LCE1C: variants seen among roughly 807,000 people sequenced by gnomAD.
LCE1C encodes the protein late cornified envelope protein 1C.
In LCE1C, 1 loss-of-function variant was observed where a neutral mutation model predicts 0.7. The observed-to-expected ratio is 1.44, with a 90% CI of 0.51 to 6.83. The LOEUF (loss-of-function observed/expected upper bound fraction) is 6.83. LCE1C is among the 30% of genes most tolerant of loss of function. LCE1C has a pLI of 0.14. For missense variants in LCE1C, 136 were observed against 149.6 expected (o/e 0.91, Z 0.48); for synonymous variants, 72 against 57.9 (o/e 1.24, Z -1.10).
intron 1 of LCE1C, among the ~76,000 whole-genome samples, chr1:152,806,167 A>C (rs563835251): frequency 6.6e-6 from 1 of 152,310 alleles, no homozygotes; most frequent in East Asian, 1.9e-4. Flanking sequence ...ACTTTAAGAG[A>C]TTCTCAATTC....
chr1:152,805,155 C>G lies in LCE1C; in HGVS notation c.324G>C (p.Gly108=), dbSNP rs372400123. The G allele has an allele frequency of 8.1e-6, 13 of 1,610,928 alleles. 1 individual carries two copies. The African/African-American group carries it at 1.5e-4, about 18-fold the overall frequency. ...AGCCTCCAGAGTGCTGGCCACTCCC[C>G]CCGCCACAGCAGCTGGAGCCCCCCG... ...QPSGGSSCCG[G]GSGQHSGGCC is the part of the protein sequence containing the mutation. Residue 108 remains glycine (G), a synonymous_variant, in exon 2 of 2, where the codon GGG becomes GGC. Transcript: ENST00000607093.
Position 152,805,007 on chromosome 1 carries a change from A to G in LCE1C, c.*115T>C. On this transcript the variant is annotated 3_prime_UTR_variant, in exon 2 of 2. Transcript: ENST00000607093. Reference sequence around the variant, plus strand: ...CCAGGGAAAAGATATGCTCTTGGCAAGTTCAGAGCTTTCCCTTGGACCTGT... The same window carrying G: ...CCAGGGAAAAGATATGCTCTTGGCAGGTTCAGAGCTTTCCCTTGGACCTGT... 1 of 1,278,274 alleles carries G rather than the reference A, an allele frequency of 7.8e-7. No individual in the cohort carries two copies. Among genetic ancestry groups the G allele is most frequent in the Non-Finnish European group, 1.1e-6 (1 of 919,572 alleles). The allele number at this position is 1,278,274 out of a possible 1,614,324, so 79.2% of individuals were successfully genotyped here.
At chr1:152,805,539 C>T in intron 1 of LCE1C, 41 bp from the exon 2 acceptor site, 5 of 1,367,082 alleles carry the variant, frequency 3.7e-6, no homozygotes, top group Middle Eastern at 1.9e-4. Flanking sequence ...TAGGCAGAGG[C>T]CACCCCTGCC....
rs538785806 is a variant in LCE1C, at chr1:152,804,928, T to G, written c.*194A>C. On this transcript the variant is annotated 3_prime_UTR_variant, in exon 2 of 2. Coordinates refer to ENST00000607093, the MANE Select transcript of LCE1C (RefSeq NM_178351.4). Reference sequence around the variant, plus strand: ...GAGCGTGGGAGGGTAGCCACAAAGGTGAGGTCCAAGGCCAGTGAATGGAGA... The same window carrying G: ...GAGCGTGGGAGGGTAGCCACAAAGGGGAGGTCCAAGGCCAGTGAATGGAGA... 1.4e-6 allele frequency: 1 copy of G among 703,126 alleles called. No homozygotes were observed. Among genetic ancestry groups the G allele is most frequent in the African/African-American group, 1.8e-5 (1 of 56,398 alleles). 43.6% of individuals were successfully genotyped at this position (703,126 alleles called of 1,614,324 possible). A position where few individuals can be genotyped will look rare whatever the true frequency, so the allele number is the denominator to read the frequency against.
Position 152,805,310 on chromosome 1 carries a change from C to G in LCE1C, c.169G>C (p.Gly57Arg), listed in dbSNP as rs1271693906. ...CCAGAGCTGGAGCCACAGCTGCCCC[C>G]AGAGCTGGAGCCACAGCAGCCTCCG... ...SSGGCCGSSSGGSCGSSSGGC... is the reference protein window; with the variant it reads ...SSGGCCGSSSRGSCGSSSGGC... Residue 57 changes from glycine (G) to arginine (R), a missense_variant, in exon 2 of 2, where the codon GGG becomes CGG. Physicochemically the swap from Gly to Arg is moderately radical, Grantham distance 125 (BLOSUM62 -2). Coordinates refer to ENST00000607093, the MANE Select transcript of LCE1C (RefSeq NM_178351.4). 6.2e-7 allele frequency: 1 copy of G among 1,613,918 alleles called. No individual in the cohort carries two copies. Among genetic ancestry groups the G allele is most frequent in the African/African-American group, 1.3e-5 (1 of 74,862 alleles).
chr1:152,805,265 C>T lies in LCE1C; in HGVS notation c.214G>A (p.Gly72Arg). ...TGGTGGCTCAGGCAGCAGCCACCTCCCCCAGAACTGCAGCATCCCCCAGAG... is the reference window on the plus strand; with the variant it reads ...TGGTGGCTCAGGCAGCAGCCACCTCTCCCAGAACTGCAGCATCCCCCAGAG... The part of the protein sequence containing the change: ...SSSGGCCSSG[G>R]GGCCLSHHRR... Residue 72 changes from glycine to arginine, a missense_variant, in exon 2 of 2, where the codon GGA becomes AGA. Coordinates refer to ENST00000607093, the MANE Select transcript of LCE1C (RefSeq NM_178351.4). The T allele has an allele frequency of 6.2e-7, 1 of 1,613,988 alleles. No homozygotes were observed. Among genetic ancestry groups the T allele is most frequent in the Non-Finnish European group, 8.5e-7 (1 of 1,179,996 alleles).
At position 152,805,508 on chromosome 1, in the gene LCE1C, A is replaced by C. The variant is rs765876671; in HGVS notation, c.-20-10T>G. On this transcript the variant is annotated splice_polypyrimidine_tract_variant and intron_variant, in intron 1 of 1. Transcript: ENST00000607093. The stretch of plus-strand genomic sequence containing the variant: ...GTGGCGGATTCAGGAGCTGAAAGAG[A>C]GTCAAACAGCAAGTCAGACCTAGGC... The C allele has an allele frequency of 6.2e-7, 1 of 1,601,676 alleles. No individual in the cohort carries two copies. The highest frequency in any genetic ancestry group is 1.3e-5 in the African/African-American group (1 of 74,772).
rs150691692 is a variant in LCE1C at position 152,805,268 on chromosome 1, C to G, written c.211G>C (p.Gly71Arg). ...GSSSGGCCSS[G>R]GGGCCLSHHR... ...TGGCTCAGGCAGCAGCCACCTCCCCCAGAACTGCAGCATCCCCCAGAGCTG... is the reference window on the plus strand; with the variant it reads ...TGGCTCAGGCAGCAGCCACCTCCCCGAGAACTGCAGCATCCCCCAGAGCTG... Residue 71 changes from glycine (G) to arginine (R), a missense_variant, in exon 2 of 2, where the codon GGG (glycine) becomes CGG (arginine). Coordinates refer to ENST00000607093, the MANE Select transcript of LCE1C (RefSeq NM_178351.4). The G allele has an allele frequency of 4.0e-4, 653 of 1,613,990 alleles. No individual in the cohort carries two copies. The highest frequency in any genetic ancestry group is 5.1e-4 in the Non-Finnish European group (603 of 1,179,994).
Position 152,805,118 on chromosome 1 carries a change from C to T in LCE1C, c.*4G>A, listed in dbSNP as rs761481026. 34 of 1,587,880 alleles carry T rather than the reference C, an allele frequency of 2.1e-5. No individual in the cohort carries two copies. The Middle Eastern group carries it at 5.4e-4, about 25-fold the overall frequency. On this transcript the variant is annotated 3_prime_UTR_variant, in exon 2 of 2. Coordinates refer to ENST00000607093, the MANE Select transcript of LCE1C (RefSeq NM_178351.4). ...ATTCTGCTCTTCTAGGCTCAGGGTC[C>T]ACTTCAGCAGCAGCCTCCAGAGTGC...
chr1:152,806,298 G>T (rs1254756363), intron 1 of LCE1C, among the ~76,000 whole-genome samples: 1 of 152,162 alleles, frequency 6.6e-6, no homozygotes, highest in Non-Finnish European at 1.5e-5. Flanking sequence ...TCACAGTTTT[G>T]CTCTGAAAAG....
rs897526493 is a variant in LCE1C, at chr1:152,805,500, T to C, written c.-20-2A>G. 1.9e-6 allele frequency: 3 copies of C among 1,607,270 alleles called. No individual in the cohort carries two copies. The highest frequency in any genetic ancestry group is 1.1e-5 in the South Asian group (1 of 90,818). On this transcript the variant is annotated splice_acceptor_variant, in intron 1 of 1. Transcript: ENST00000607093. LOFTEE classifies it low-confidence loss of function (5UTR_SPLICE). The stretch of plus-strand genomic sequence containing the variant: ...ACATCTTGGTGGCGGATTCAGGAGC[T>C]GAAAGAGAGTCAAACAGCAAGTCAG...
rs1312483941 is a variant in LCE1C, at chr1:152,805,557, GT to G, written c.-20-60del. 4 of 1,224,942 alleles carry G rather than the reference GT, an allele frequency of 3.3e-6. No homozygotes were observed. The African/African-American group carries it at 6.0e-5, about 18-fold the overall frequency. The allele number at this position is 1,224,942 out of a possible 1,614,324, so 75.9% of individuals were successfully genotyped here. On this transcript the variant is annotated intron_variant, in intron 1 of 1. Transcript: ENST00000607093. ...GCAGAGGCCACCCCTGCCTATTCTTGTCCTTTCCACATTGTTTCTATTTCCT... is the reference window on the plus strand; with the variant it reads ...GCAGAGGCCACCCCTGCCTATTCTTGCCTTTCCACATTGTTTCTATTTCCT...
At position 152,804,964 on chromosome 1, in the gene LCE1C, G is replaced by T; in HGVS notation, c.*158C>A. On this transcript the variant is annotated 3_prime_UTR_variant, in exon 2 of 2. Coordinates refer to ENST00000607093, the MANE Select transcript of LCE1C (RefSeq NM_178351.4). Reference sequence around the variant, plus strand: ...GCCAGTGAATGGAGATCCAGGAGAGGATCTGAGTTTCTGGACTCCAGGGAA... The same window carrying T: ...GCCAGTGAATGGAGATCCAGGAGAGTATCTGAGTTTCTGGACTCCAGGGAA... 1 of 908,966 alleles carries T rather than the reference G, an allele frequency of 1.1e-6. No individual in the cohort carries two copies. Among genetic ancestry groups the T allele is most frequent in the Non-Finnish European group, 1.7e-6 (1 of 586,130 alleles). 56.3% of individuals were successfully genotyped at this position (908,966 alleles called of 1,614,324 possible). A position where few individuals can be genotyped will look rare whatever the true frequency, so the allele number is the denominator to read the frequency against.
At position 152,805,374 on chromosome 1, in the gene LCE1C, A is replaced by G; in HGVS notation, c.105T>C (p.Pro35=). The change falls in exon 2 of 2, where the codon CCT becomes CCC. Residue 35 remains proline (P), a synonymous_variant. Coordinates refer to ENST00000607093, the MANE Select transcript of LCE1C (RefSeq NM_178351.4). ...AGCAGGAAGAGACAGGAGGGCACTT[A>G]GGGGGACACTTTGGGGGACACTTTG... ...PTPKCPPKCP[P]KCPPVSSCCS... The G allele has an allele frequency of 6.2e-7, 1 of 1,600,714 alleles. No individual in the cohort carries two copies. Among genetic ancestry groups the G allele is most frequent in the African/African-American group, 1.4e-5 (1 of 72,496 alleles).
In LCE1C at chr1:152,804,951, A is replaced by G; in HGVS notation, c.*171T>C. On this transcript the variant is annotated 3_prime_UTR_variant, in exon 2 of 2. Transcript: ENST00000607093. ...GGTGAGGTCCAAGGCCAGTGAATGG[A>G]GATCCAGGAGAGGATCTGAGTTTCT... is the stretch of plus-strand genomic sequence containing the variant. 2.4e-6 allele frequency: 2 copies of G among 826,252 alleles called. No homozygotes were observed. The highest frequency in any genetic ancestry group is 1.8e-5 in the South Asian group (1 of 55,600). The allele number at this position is 826,252 out of a possible 1,614,324, so 51.2% of individuals were successfully genotyped here.
Position 152,805,238 on chromosome 1 carries a change from T to G in LCE1C, c.241A>C (p.Arg81=), listed in dbSNP as rs1652298382. ...GGGGCCLSHH[R]RRRSHCHRPQ... Reference sequence around the variant, plus strand: ...CTGTGGCAGTGGGACCTACGGCGCCTGTGGTGGCTCAGGCAGCAGCCACCT... The same window carrying G: ...CTGTGGCAGTGGGACCTACGGCGCCGGTGGTGGCTCAGGCAGCAGCCACCT... The change falls in exon 2 of 2, where the codon AGG becomes CGG. Residue 81 remains arginine (R), a synonymous_variant. Coordinates refer to ENST00000607093, the MANE Select transcript of LCE1C (RefSeq NM_178351.4). 3 of 1,613,742 alleles carry G rather than the reference T, an allele frequency of 1.9e-6. No homozygotes were observed.
chr1:152,805,621 T>C (rs528390394), intron 1 of LCE1C, 123 bp from the exon 2 acceptor site: 7 of 800,098 alleles, frequency 8.7e-6, no homozygotes, highest in African/African-American at 3.5e-5. Context: ...TGGTAAATCA[T>C]TAATCACTGA....
At chr1:152,805,997 C>T (rs2101587663) in intron 1 of LCE1C, among the ~76,000 whole-genome samples, 1 of 152,258 alleles carries the variant, frequency 6.6e-6, no homozygotes, top group South Asian at 2.1e-4. Flanking sequence ...CTCACAGGCT[C>T]CCTTTGTTAA....
In LCE1C at chr1:152,805,395, C is replaced by T. The variant is rs1314912493; in HGVS notation, c.84G>A (p.Lys28=). 8.7e-6 allele frequency: 14 copies of T among 1,610,782 alleles called. No individual in the cohort carries two copies. In the East Asian group the frequency reaches 2.0e-4, roughly 23 times the overall value. ...ACTTAGGGGGACACTTTGGGGGACA[C>T]TTTGGGGTGGGGCACTTGGGAGGGC... ...PKCPPKCPTP[K]CPPKCPPKCP... The change falls in exon 2 of 2, where the codon AAG becomes AAA. Residue 28 remains lysine (K), a synonymous_variant. Transcript: ENST00000607093.
Sources: allele counts gnomAD v4.1 joint callset (sites outside exome capture counted in the v4.1 genomes callset), GRCh38; gene constraint gnomAD v4.1.1; transcripts MANE v1.5; gene names NCBI Gene and HGNC (gene_info 2026-07-23, HGNC 2026-07-21).